COMMD7: variants seen among roughly 807,000 people sequenced by gnomAD.
COMMD7 encodes COMM domain-containing protein 7.
COMMD7 carries 28 observed loss-of-function variants against 34.8 expected under a neutral mutation model. The observed-to-expected ratio is 0.80, with a 90% confidence interval of 0.60 to 1.10. COMMD7 has a LOEUF of 1.10. Among genes scored for constraint, COMMD7 ranks in the 50% least tolerant of loss-of-function variants. The pLI is 0.00. For synonymous variants in COMMD7, 80 were observed against 86.4 expected, an observed-to-expected ratio of 0.93 and a Z score of 0.41; for missense variants, 211 against 241.6, an observed-to-expected ratio of 0.87 and a Z score of 0.84.
Position 32,703,207 on chromosome 20 carries a change from T to C in COMMD7, c.*175A>G. The C allele has an allele frequency of 1.9e-6, 1 of 532,702 alleles. No individual in the cohort carries two copies. The highest frequency in any genetic ancestry group is 3.3e-6 in the Non-Finnish European group (1 of 301,840). 33.0% of individuals were successfully genotyped at this position (532,702 alleles called of 1,614,324 possible). A position where few individuals can be genotyped will look rare whatever the true frequency, so the allele number is the denominator to read the frequency against. On this transcript the variant is annotated 3_prime_UTR_variant, in exon 9 of 9. Transcript: ENST00000278980. ...AGTTTACAGGGTAATTGTGTTGGGC[T>C]CTTTCAGTACTTAATCCTGCTGTTT...
chr20:32,703,893 G>A (rs1396620651), intron 8 of COMMD7, 130 bp downstream of exon 8: 3 of 1,559,410 alleles, frequency 1.9e-6, no homozygotes, highest in South Asian at 1.2e-5. Context: ...AGGAAAGGCA[G>A]TGGAACAGCT....
chr20:32,730,432 G>A (rs1045223419), intron 1 of COMMD7, among the ~76,000 whole-genome samples: 2 of 152,128 alleles, frequency 1.3e-5, no homozygotes, highest in Non-Finnish European at 2.9e-5. Context: ...GTGCGTGCCT[G>A]TAATCCTAGC....
intron 3 of COMMD7, among the ~76,000 whole-genome samples, chr20:32,709,728 G>A (rs1400604338): frequency 2.6e-5 from 4 of 152,070 alleles, no homozygotes; most frequent in Admixed American, 1.3e-4. Context: ...TGCTTACTGT[G>A]CTATTTTTAG....
chr20:32,714,779 G>A (rs1233431549), intron 3 of COMMD7, among the ~76,000 whole-genome samples: 3 of 151,510 alleles, frequency 2.0e-5, no homozygotes, highest in East Asian at 3.9e-4. Flanking sequence ...AGCCGAGATC[G>A]TACCACTGCA....
intron 3 of COMMD7, 73 bp from the exon 4 acceptor site, chr20:32,706,833 C>A: frequency 7.2e-6 from 9 of 1,253,740 alleles, no homozygotes; most frequent in Non-Finnish European, 9.3e-6. Flanking sequence ...TTAATGGGCA[C>A]AACCTATGTG....
chr20:32,728,802 G>A (rs1985674650), intron 1 of COMMD7, among the ~76,000 whole-genome samples: 1 of 152,058 alleles, frequency 6.6e-6, no homozygotes, highest in Non-Finnish European at 1.5e-5. Flanking sequence ...CTGGGCTCAA[G>A]TGATCTACCC....
chr20:32,704,613 G>T, intron 6 of COMMD7, 124 bp from the exon 7 acceptor site: 1 of 1,038,996 alleles, frequency 9.6e-7, no homozygotes, highest in Non-Finnish European at 1.4e-6. Flanking sequence ...CAAGTATGAG[G>T]GCAGCAAGGT....
At chr20:32,720,418 C>A (rs1288137726) in intron 3 of COMMD7, among the ~76,000 whole-genome samples, 2 of 152,064 alleles carry the variant, frequency 1.3e-5, no homozygotes, top group African/African-American at 4.8e-5. Flanking sequence ...TCGCTTGAAC[C>A]CGGGAAGCAG....
In COMMD7 at chr20:32,714,856, A is replaced by AC. The variant is rs1555823789; in HGVS notation, c.242-8097_242-8096insG. Among the ~76,000 whole-genome samples the AC allele has an allele frequency of 1.2e-3, 186 of 150,148 alleles. 2 individuals carry two copies. Among genetic ancestry groups the AC allele is most frequent in the African/African-American group, 3.8e-3 (154 of 40,752 alleles). ...AACAACAACAACAACAACAACAACA[A>AC]AAATTAGCCAGGTGTAGTGCGCATG... On this transcript the variant is annotated intron_variant, in intron 3 of 8. Coordinates refer to ENST00000278980, the MANE Select transcript of COMMD7 (RefSeq NM_053041.3).
chr20:32,730,330 G>A (rs1473590715), intron 1 of COMMD7, among the ~76,000 whole-genome samples: 2 of 152,018 alleles, frequency 1.3e-5, no homozygotes, highest in East Asian at 1.9e-4. Context: ...TGAGGTTGGC[G>A]GATCATTTGA....
In COMMD7 at chr20:32,710,686, A is replaced by G. The variant is rs143802121; in HGVS notation, c.242-3926T>C. On this transcript the variant is annotated intron_variant, in intron 3 of 8. Transcript: ENST00000278980. The stretch of plus-strand genomic sequence containing the variant: ...TGAGGCTACAGTGAACCATAATTGC[A>G]TCACTGCACTCCAGCCTATGTAACA... Among the ~76,000 whole-genome samples, 769 of 150,426 alleles carry G rather than the reference A, an allele frequency of 5.1e-3. 4 individuals carry two copies. Among genetic ancestry groups the G allele is most frequent in the Non-Finnish European group, 8.2e-3 (558 of 67,782 alleles).
chr20:32,739,160 CTGTAAAA>C (rs1986295055), intron 1 of COMMD7, among the ~76,000 whole-genome samples: 1 of 152,086 alleles, frequency 6.6e-6, no homozygotes, highest in Admixed American at 6.6e-5. Flanking sequence ...GTTTCTTCGT[CTGTAAAA>C]TGTGAATAAT....
chr20:32,728,445 CAT>C (rs1260928209), intron 1 of COMMD7, among the ~76,000 whole-genome samples: 2 of 77,078 alleles, frequency 2.6e-5, no homozygotes, highest in East Asian at 2.5e-4. Flanking sequence ...CACAGACAGA[CAT>C]ACACACACAC....
chr20:32,721,757 G>T (rs1180311065), intron 3 of COMMD7, among the ~76,000 whole-genome samples: 1 of 152,102 alleles, frequency 6.6e-6, no homozygotes, highest in Non-Finnish European at 1.5e-5. Context: ...TTAGGCGGGC[G>T]TGGTGGTGGG....
At chr20:32,714,983 C>T (rs893648428) in intron 3 of COMMD7, among the ~76,000 whole-genome samples, 2 of 151,794 alleles carry the variant, frequency 1.3e-5, no homozygotes, top group African/African-American at 4.8e-5. Context: ...GCACTCCAGC[C>T]TGGGCAACGG....
At chr20:32,740,878 T>C (rs1279874698) in intron 1 of COMMD7, among the ~76,000 whole-genome samples, 1 of 151,472 alleles carries the variant, frequency 6.6e-6, no homozygotes, top group Non-Finnish European at 1.5e-5. Context: ...GTGCATGGCT[T>C]ACGCCTGTAA....
At chr20:32,732,299 C>T (rs1050274110) in intron 1 of COMMD7, among the ~76,000 whole-genome samples, 2 of 152,202 alleles carry the variant, frequency 1.3e-5, no homozygotes, top group Admixed American at 1.3e-4. Flanking sequence ...CAATGTTGCC[C>T]CAGCTCATCT....
intron 3 of COMMD7, among the ~76,000 whole-genome samples, chr20:32,715,054 G>A (rs1056317620): frequency 1.4e-4 from 21 of 150,404 alleles, no homozygotes; most frequent in African/African-American, 3.9e-4. Context: ...ATAAATAAAT[G>A]AAATAAAAAT....
chr20:32,728,131 G>A lies in COMMD7; in HGVS notation c.96C>T (p.Ala32=). ...LNQLGAQQFS[A]LTEVLFHFLT... ...GGAAGTGGAAAAGCACCTCTGTCAG[G>A]GCTGAGAACTGCTGTGAAGAAAACA... Residue 32 remains alanine, a synonymous_variant, in exon 2 of 9, where the codon GCC becomes GCT. Transcript: ENST00000278980. 1 of 1,614,018 alleles carries A rather than the reference G, an allele frequency of 6.2e-7. No homozygotes were observed. Among genetic ancestry groups the A allele is most frequent in the South Asian group, 1.1e-5 (1 of 91,086 alleles).
Sources: allele counts gnomAD v4.1 joint callset (sites outside exome capture counted in the v4.1 genomes callset), GRCh38; gene constraint gnomAD v4.1.1; transcripts MANE v1.5; gene names NCBI Gene and HGNC (gene_info 2026-07-23, HGNC 2026-07-21).